ATP11A: variants seen among roughly 807,000 people sequenced by gnomAD.
The protein encoded by ATP11A is ATPase phospholipid transporting 11A.
A neutral mutation model predicts 154.4 loss-of-function variants in ATP11A; 81 were observed. The observed-to-expected ratio is 0.52, with a 90% CI of 0.44 to 0.63. ATP11A has a LOEUF of 0.63. Among genes scored for constraint, ATP11A ranks in the 30% least tolerant of loss-of-function variants. The pLI is 0.00. For synonymous variants in ATP11A, 623 were observed against 585.9 expected (o/e 1.06, Z -0.91); for missense variants, 1,316 against 1,474.3 (o/e 0.89, Z 1.76).
intron 1 of ATP11A, among the ~76,000 whole-genome samples, chr13:112,728,589 C>T (rs1411060276): frequency 1.4e-5 from 2 of 148,138 alleles, no homozygotes; most frequent in Non-Finnish European, 3.0e-5. Flanking sequence ...TGTCACTATC[C>T]ACTCGTGGGG....
At position 112,851,501 on chromosome 13, in the gene ATP11A, T is replaced by C. The variant is rs141936138; in HGVS notation, c.1991+283T>C. ...CATATCATATTATGAACAGGCAAGA[T>C]AGAAGGGCTCTTACAAATTCTTTCT... On this transcript the variant is annotated intron_variant, in intron 18 of 29. Coordinates refer to ENST00000375645, the MANE Select transcript of ATP11A (RefSeq NM_015205.3). 8.9e-3 allele frequency: 2,614 copies of C among 294,032 alleles called. 60 individuals are homozygous for C. Among genetic ancestry groups the C allele is most frequent in the African/African-American group, 0.052 (2,448 of 47,186 alleles). The allele number at this position is 294,032 out of a possible 1,614,324, so 18.2% of individuals were successfully genotyped here.
At chr13:112,725,505 G>A (rs527789333) in intron 1 of ATP11A, among the ~76,000 whole-genome samples, 72 of 152,328 alleles carry the variant, frequency 4.7e-4, no homozygotes, top group South Asian at 1.0e-3. Context: ...GATAGGCTGC[G>A]TCTGCACGCG....
At chr13:112,775,712 G>GC (rs5806964) in intron 1 of ATP11A, among the ~76,000 whole-genome samples, 43,604 of 151,452 alleles carry the variant, frequency 0.29, 7,189 homozygotes, top group Middle Eastern at 0.43. Flanking sequence ...ATTTCATAAT[G>GC]CCCCCCCCGC....
chr13:112,844,802 G>GGTACTTTGCCGGGCGCTAGCA (rs2079532581), intron 17 of ATP11A, among the ~76,000 whole-genome samples: 2 of 131,438 alleles, frequency 1.5e-5, no homozygotes, highest in Admixed American at 1.4e-4. Context: ...GGGTGTTAGT[G>GGTACTTTGCCGGGCGCTAGCA]GTACTAACCA....
chr13:112,806,570 T>A (rs923550916), intron 4 of ATP11A, among the ~76,000 whole-genome samples: 6 of 152,246 alleles, frequency 3.9e-5, no homozygotes, highest in Admixed American at 1.3e-4. Context: ...GATGAGTCAC[T>A]TAACCTTTCT....
At position 112,884,804 on chromosome 13, in the gene ATP11A, CCCA is replaced by C; in HGVS notation, c.*2939_*2941del. ...CAGTGGGCCTGCTGCATGATTCACA[CCCA>C]GTCCCTGCCACAGACCGTCTCAGAC... On this transcript the variant is annotated 3_prime_UTR_variant, in exon 30 of 30. Coordinates refer to ENST00000375645, the MANE Select transcript of ATP11A (RefSeq NM_015205.3). The C allele has an allele frequency of 6.6e-6, 1 of 151,808 alleles. No individual in the cohort carries two copies. Among genetic ancestry groups the C allele is most frequent in the African/African-American group, 2.4e-5 (1 of 41,200 alleles). The allele number at this position is 151,808 out of a possible 1,614,324, so 9.4% of individuals were successfully genotyped here.
At chr13:112,788,421 C>A (rs938317925) in intron 2 of ATP11A, among the ~76,000 whole-genome samples, 53 of 149,726 alleles carry the variant, frequency 3.5e-4, no homozygotes, top group African/African-American at 1.3e-3. Context: ...CGGAGACCTA[C>A]TTAATTCACA....
In ATP11A at chr13:112,882,465, C is replaced by T; in HGVS notation, c.*599C>T. 1 of 458,300 alleles carries T rather than the reference C, an allele frequency of 2.2e-6. No individual in the cohort carries two copies. The allele number at this position is 458,300 out of a possible 1,614,324, so 28.4% of individuals were successfully genotyped here. A position where few individuals can be genotyped will look rare whatever the true frequency, so the allele number is the denominator to read the frequency against. On this transcript the variant is annotated 3_prime_UTR_variant, in exon 30 of 30. Transcript: ENST00000375645. This position sits in a 1 kb window ranked among gnomAD's most constrained non-coding sequence, Gnocchi z 5.1. Reference sequence around the variant, plus strand: ...TGGAGCCATGGTGGTGCGTCCTTTACTCAACAACCCTCCAATCCGGATGCT... The same window carrying T: ...TGGAGCCATGGTGGTGCGTCCTTTATTCAACAACCCTCCAATCCGGATGCT...
rs760519150 is a variant in ATP11A, at chr13:112,816,074, G to T, written c.442-9G>T. On this transcript the variant is annotated splice_polypyrimidine_tract_variant and intron_variant, in intron 5 of 29. Coordinates refer to ENST00000375645, the MANE Select transcript of ATP11A (RefSeq NM_015205.3). ...TTCCATTGACCATCCTTTCTGCTTT[G>T]TCCTGTAGGTTGGGGACATTGTCAT... is the stretch of plus-strand genomic sequence containing the variant. 2 of 1,614,146 alleles carry T rather than the reference G, an allele frequency of 1.2e-6. No individual in the cohort carries two copies. Among genetic ancestry groups the T allele is most frequent in the Non-Finnish European group, 1.7e-6 (2 of 1,180,020 alleles).
intron 1 of ATP11A, among the ~76,000 whole-genome samples, chr13:112,701,059 C>T (rs1392327351): frequency 2.0e-5 from 3 of 152,148 alleles, no homozygotes; most frequent in Admixed American, 6.5e-5. Flanking sequence ...TTCAGGAGGA[C>T]GTTGGGGGGC....
rs1006433765 is a variant in ATP11A at position 112,810,724 on chromosome 13, C to T, written c.439C>T (p.Arg147Ter). The T allele has an allele frequency of 5.0e-6, 8 of 1,613,530 alleles. No individual in the cohort carries two copies. The highest frequency in any genetic ancestry group is 1.3e-5 in the African/African-American group (1 of 75,022). The change falls in exon 5 of 30, where the codon CGA becomes TGA. Residue 147 changes from arginine (R) to a stop codon, truncating the protein, a stop_gained and splice_region_variant. Transcript: ENST00000375645. LOFTEE classifies it high-confidence loss of function. ...KLVRKQSRKL[R>*]VGDIVMVKED... is the part of the protein sequence containing the mutation. ...CGTTCGGAAACAAAGTCGAAAGCTGCGAGTAAGTGACACCCGACACATTTA... is the reference window on the plus strand; with the variant it reads ...CGTTCGGAAACAAAGTCGAAAGCTGTGAGTAAGTGACACCCGACACATTTA...
chr13:112,756,826 C>G (rs2076848408), intron 1 of ATP11A, among the ~76,000 whole-genome samples: 1 of 151,916 alleles, frequency 6.6e-6, no homozygotes, highest in African/African-American at 2.4e-5. Context: ...GGGTCTGCTC[C>G]CAGCACGGGG....
chr13:112,871,853 T>C (rs555535552), intron 26 of ATP11A, 53 bp downstream of exon 26: 7 of 1,532,390 alleles, frequency 4.6e-6, no homozygotes, highest in East Asian at 2.2e-5. Context: ...ACCCCTGCAG[T>C]GTAGGCCTCA....
chr13:112,808,605 G>T (rs1015298917), intron 4 of ATP11A, among the ~76,000 whole-genome samples: 26 of 152,186 alleles, frequency 1.7e-4, no homozygotes, highest in African/African-American at 6.3e-4. Flanking sequence ...TTTGTGCTGG[G>T]GTCCCCATGC....
chr13:112,775,293 C>T (rs1196439932), intron 1 of ATP11A, among the ~76,000 whole-genome samples: 1 of 152,256 alleles, frequency 6.6e-6, no homozygotes, highest in African/African-American at 2.4e-5. Flanking sequence ...CCCCTCTCTG[C>T]TGAAGGGCTC....
At chr13:112,732,739 G>A (rs1890621483) in intron 1 of ATP11A, among the ~76,000 whole-genome samples, 1 of 152,124 alleles carries the variant, frequency 6.6e-6, no homozygotes, top group Non-Finnish European at 1.5e-5. Context: ...ATCCTCCCGA[G>A]TATCTGGGAC....
chr13:112,733,888 C>CA, intron 1 of ATP11A, among the ~76,000 whole-genome samples: 1 of 152,334 alleles, frequency 6.6e-6, no homozygotes, highest in African/African-American at 2.4e-5. Context: ...TTCTTATCTT[C>CA]AGAGCTGCTT....
intron 17 of ATP11A, among the ~76,000 whole-genome samples, chr13:112,846,805 G>A (rs780504516): frequency 5.3e-4 from 80 of 152,210 alleles, no homozygotes; most frequent in Admixed American, 2.4e-3. Flanking sequence ...GGAACAGTCT[G>A]TTCCTTTCAG....
chr13:112,797,337 A>G (rs1285479394), intron 2 of ATP11A, among the ~76,000 whole-genome samples: 1 of 151,892 alleles, frequency 6.6e-6, no homozygotes, highest in Admixed American at 6.6e-5. Flanking sequence ...GAAAAAAACA[A>G]AAGAAGAGAG....
Sources: gnomAD v4.1 joint callset for allele counts (sites outside exome capture counted in the v4.1 genomes callset) on GRCh38, gnomAD v4.1.1 for gene constraint, Gnocchi (gnomAD v3.1) non-coding constraint, MANE v1.5 for transcripts, NCBI Gene and HGNC (gene_info 2026-07-23, HGNC 2026-07-21) for gene names.